Variants in MARCHF11 observed in about 807,000 individuals in gnomAD.
The protein encoded by MARCHF11 is membrane associated ring-CH-type finger 11, also known as E3 ubiquitin-protein ligase MARCHF11.
Under a neutral mutation model 37.3 loss-of-function variants are expected in MARCHF11, and 29 were observed. The observed-to-expected ratio is 0.78, with a 90% CI of 0.58 to 1.06. The LOEUF (loss-of-function observed/expected upper bound fraction) is 1.06. Ranked by LOEUF, MARCHF11 falls within the 50% of genes least tolerant of loss-of-function variation. The pLI is 0.00. For missense variants in MARCHF11, 482 were observed against 533.4 expected (o/e 0.90, Z 0.95); for synonymous variants, 233 against 228.0 (o/e 1.02, Z -0.20).
chr5:16,085,204 ATT>A (rs937132073), intron 3 of MARCHF11, among the ~76,000 whole-genome samples: 2 of 149,130 alleles, frequency 1.3e-5, no homozygotes, highest in African/African-American at 4.9e-5. Context: ...ATTATAATAG[ATT>A]TTTTTTTTTA....
intron 2 of MARCHF11, among the ~76,000 whole-genome samples, chr5:16,157,061 C>T (rs1289759274): frequency 2.0e-5 from 3 of 151,752 alleles, no homozygotes; most frequent in Non-Finnish European, 4.4e-5. Context: ...ATTGACCATG[C>T]AAAACGCAGT....
At chr5:16,153,099 A>G (rs943892502) in intron 2 of MARCHF11, among the ~76,000 whole-genome samples, 2 of 152,016 alleles carry the variant, frequency 1.3e-5, no homozygotes, top group African/African-American at 2.4e-5. Flanking sequence ...GTTGTCCATA[A>G]TGGCAGAAGC....
chr5:16,090,436 C>G (rs897796786), intron 3 of MARCHF11, among the ~76,000 whole-genome samples: 1 of 152,120 alleles, frequency 6.6e-6, no homozygotes, highest in African/African-American at 2.4e-5. Flanking sequence ...CCCTTTCTGC[C>G]CTTAGAGAAT....
At position 16,147,904 on chromosome 5, in the gene MARCHF11, T is replaced by C. The variant is rs1299181826; in HGVS notation, c.693+29822A>G. 3.9e-5 allele frequency among the ~76,000 whole-genome samples: 6 copies of C among 152,254 alleles called. No homozygotes were observed. The South Asian group carries it at 6.2e-4, about 16-fold the overall frequency. On this transcript the variant is annotated intron_variant, in intron 2 of 3. Transcript: ENST00000332432. ...GCTAGCCACTGCCTTACCTATTCTA[T>C]GCATTCAATGAGTACACTTCCAATG...
intron 2 of MARCHF11, among the ~76,000 whole-genome samples, chr5:16,171,195 G>A (rs1245440211): frequency 5.3e-5 from 8 of 151,868 alleles, no homozygotes; most frequent in Admixed American, 2.6e-4. Context: ...ATGCTGGTGC[G>A]CTGCACCCAC....
intron 2 of MARCHF11, among the ~76,000 whole-genome samples, chr5:16,131,048 C>T (rs1737507081): frequency 6.6e-6 from 1 of 152,174 alleles, no homozygotes; most frequent in African/African-American, 2.4e-5. Flanking sequence ...TTGAATATTT[C>T]AATCAGCAGA....
chr5:16,160,285 A>T (rs889639257), intron 2 of MARCHF11, among the ~76,000 whole-genome samples: 28 of 143,154 alleles, frequency 2.0e-4, no homozygotes, highest in Non-Finnish European at 7.6e-5. Flanking sequence ...TTAAATATTT[A>T]ATATTTATAT....
chr5:16,102,247 T>C (rs755287706), intron 2 of MARCHF11, among the ~76,000 whole-genome samples: 9 of 152,210 alleles, frequency 5.9e-5, no homozygotes, highest in Non-Finnish European at 1.3e-4. Context: ...TGCTACTACA[T>C]GGAACTGGGC....
intron 2 of MARCHF11, among the ~76,000 whole-genome samples, chr5:16,148,142 G>A (rs1737828507): frequency 6.6e-6 from 1 of 151,934 alleles, no homozygotes. Flanking sequence ...ACTTTCAACA[G>A]CATATCCATT....
At chr5:16,168,343 A>C (rs1472528374) in intron 2 of MARCHF11, among the ~76,000 whole-genome samples, 1 of 152,116 alleles carries the variant, frequency 6.6e-6, no homozygotes, top group African/African-American at 2.4e-5. Context: ...CCCATAGCTT[A>C]GGAACCATGT....
intron 2 of MARCHF11, among the ~76,000 whole-genome samples, chr5:16,097,133 T>C (rs1736881930): frequency 1.3e-5 from 2 of 152,302 alleles, no homozygotes; most frequent in East Asian, 3.9e-4. Flanking sequence ...AGAAAATGAA[T>C]TTAGCTAAAA....
At chr5:16,118,580 C>T (rs142401527) in intron 2 of MARCHF11, among the ~76,000 whole-genome samples, 1 of 152,298 alleles carries the variant, frequency 6.6e-6, no homozygotes, top group East Asian at 1.9e-4. Flanking sequence ...GAGACAACGT[C>T]ACCTAGGGAG....
chr5:16,136,870 T>C (rs181176539), intron 2 of MARCHF11, among the ~76,000 whole-genome samples: 87 of 152,258 alleles, frequency 5.7e-4, no homozygotes, highest in East Asian at 4.2e-3. Flanking sequence ...TCTTCATGGG[T>C]CTAAAGTGAT....
chr5:16,090,281 C>T (rs181848513), intron 3 of MARCHF11, among the ~76,000 whole-genome samples: 123 of 152,274 alleles, frequency 8.1e-4, no homozygotes, highest in African/African-American at 2.7e-3. Flanking sequence ...TCAAAGGAAA[C>T]ACCGAAGTAA....
At chr5:16,144,284 T>A (rs1737766142) in intron 2 of MARCHF11, among the ~76,000 whole-genome samples, 1 of 152,222 alleles carries the variant, frequency 6.6e-6, no homozygotes, top group Non-Finnish European at 1.5e-5. Context: ...TGTCCTTGAA[T>A]AGCCTCTAAA....
chr5:16,173,963 A>G (rs1490774177), intron 2 of MARCHF11, among the ~76,000 whole-genome samples: 1 of 152,238 alleles, frequency 6.6e-6, no homozygotes. Context: ...ATTACCTTCC[A>G]TTTACATAGC....
intron 2 of MARCHF11, among the ~76,000 whole-genome samples, chr5:16,105,976 G>C (rs1262959882): frequency 6.6e-6 from 1 of 152,068 alleles, no homozygotes; most frequent in Non-Finnish European, 1.5e-5. Flanking sequence ...TACTTGATAA[G>C]ATCATGGCAT....
rs1248722454 is a variant in MARCHF11 at position 16,075,349 on chromosome 5, C to T, written c.887-7556G>A. ...ATGCTTCAAGATCCAGATTCTCTCACAATTTCTTCTCTGATGTACTCAAAA... is the reference window on the plus strand; with the variant it reads ...ATGCTTCAAGATCCAGATTCTCTCATAATTTCTTCTCTGATGTACTCAAAA... On this transcript the variant is annotated intron_variant, in intron 3 of 3. Coordinates refer to ENST00000332432, the MANE Select transcript of MARCHF11 (RefSeq NM_001102562.3). Among the ~76,000 whole-genome samples the T allele has an allele frequency of 4.6e-5, 7 of 152,198 alleles. No homozygotes were observed. In the East Asian group the frequency reaches 9.6e-4, roughly 21 times the overall value.
Position 16,111,080 on chromosome 5 carries a change from C to A in MARCHF11, c.694-19999G>T, listed in dbSNP as rs575328921. Reference sequence around the variant, plus strand: ...TGATTGGAACCGTGAGTCCATTAAACCTCTTTTTCTTTATAAATTACCCAT... The same window carrying A: ...TGATTGGAACCGTGAGTCCATTAAAACTCTTTTTCTTTATAAATTACCCAT... On this transcript the variant is annotated intron_variant, in intron 2 of 3. Transcript: ENST00000332432. 9.1e-4 allele frequency among the ~76,000 whole-genome samples: 139 copies of A among 152,292 alleles called. 4 individuals are homozygous for A. The South Asian group carries it at 0.029, about 31-fold the overall frequency.
Sources: allele counts gnomAD v4.1 joint callset (sites outside exome capture counted in the v4.1 genomes callset), GRCh38; gene constraint gnomAD v4.1.1; transcripts MANE v1.5; gene names NCBI Gene and HGNC (gene_info 2026-07-23, HGNC 2026-07-21).